The following PDE4A variants were observed in gnomAD, a reference collection of about 807,000 sequenced individuals.
The protein encoded by PDE4A is 3',5'-cyclic-AMP phosphodiesterase 4A.
In PDE4A, 21 loss-of-function variants were observed where a neutral mutation model predicts 73.9. That is an observed-to-expected ratio of 0.28 (90% CI 0.20 to 0.41). PDE4A has a LOEUF of 0.41. Among genes scored for constraint, PDE4A ranks in the 10% least tolerant of loss-of-function variants. The probability of loss-of-function intolerance (pLI) is 1.00; values close to 1 mark genes in which losing one functional copy is unlikely to be tolerated. For missense variants in PDE4A, 958 were observed against 1,211.4 expected (o/e 0.79, Z 3.10); for synonymous variants, 463 against 505.4 (o/e 0.92, Z 1.13).
upstream of PDE4A, chr19:10,419,116 CA>C (rs2042615344): frequency 1.1e-6 from 1 of 944,546 alleles, no homozygotes; most frequent in Admixed American, 9.6e-5. Flanking sequence ...AGGGCGGTGG[CA>C]AACGGCATCG....
intron 1 of PDE4A, among the ~76,000 whole-genome samples, chr19:10,426,505 AG>A (rs1400831709): frequency 2.0e-5 from 3 of 152,190 alleles, no homozygotes; most frequent in Non-Finnish European, 4.4e-5. Context: ...GGATGCCAAA[AG>A]ATTGCACACC....
chr19:10,460,936 C>T, intron 10 of PDE4A, 68 bp from the exon 11 acceptor site: 2 of 1,511,126 alleles, frequency 1.3e-6, no homozygotes, highest in Non-Finnish European at 1.8e-6. Context: ...GTAGGTGAGA[C>T]AAACAGGTGC....
At chr19:10,450,721 C>T in intron 5 of PDE4A, 69 bp downstream of exon 5, 2 of 1,587,146 alleles carry the variant, frequency 1.3e-6, no homozygotes, top group Non-Finnish European at 1.7e-6. Context: ...CAGCCCCTTC[C>T]CCACCCAGCA....
intron 1 of PDE4A, chr19:10,432,468 C>G: frequency 6.7e-7 from 1 of 1,494,652 alleles, no homozygotes; most frequent in South Asian, 1.3e-5. Context: ...GGCCCGGCCC[C>G]GGCCCCCTGC....
Position 10,467,004 on chromosome 19 carries a change from G to A in PDE4A, c.2044G>A (p.Ala682Thr), listed in dbSNP as rs778873223. 3.7e-6 allele frequency: 6 copies of A among 1,614,140 alleles called. No individual in the cohort carries two copies. The highest frequency in any genetic ancestry group is 2.2e-5 in the South Asian group (2 of 91,086). Residue 682 changes from alanine (A) to threonine (T), a missense_variant, in exon 15 of 15, where the codon GCC becomes ACC. This residue lies in a region of PDE4A where 570 missense variants were observed against 827.7 expected (regional missense o/e 0.69). Transcript: ENST00000380702. Reference protein sequence around the residue: ...LEDNRDWYYSAIRQSPSPPPE... With the variant: ...LEDNRDWYYSTIRQSPSPPPE... ...GGACAACCGGGACTGGTACTACAGC[G>A]CCATCCGGCAGAGCCCATCTCCGCC...
intron 1 of PDE4A, chr19:10,432,292 G>C (rs2042803689): frequency 8.6e-7 from 1 of 1,158,922 alleles, no homozygotes; most frequent in Non-Finnish European, 1.1e-6. Context: ...CGACCGCCCG[G>C]GGCTGTCCCT....
intron 1 of PDE4A, chr19:10,430,877 G>A (rs1253956893): frequency 1.2e-5 from 16 of 1,362,436 alleles, no homozygotes; most frequent in Non-Finnish European, 1.4e-5. Flanking sequence ...GCCGCATCCC[G>A]GAGCTGCAAC....
At chr19:10,442,215 GTC>G (rs1413954221) in intron 1 of PDE4A, among the ~76,000 whole-genome samples, 1 of 152,004 alleles carries the variant, frequency 6.6e-6, no homozygotes, top group Non-Finnish European at 1.5e-5. Context: ...TACTGGAATG[GTC>G]TCTCTACTAA....
intron 1 of PDE4A, among the ~76,000 whole-genome samples, chr19:10,440,024 A>C (rs1296054759): frequency 8.9e-6 from 1 of 112,188 alleles, no homozygotes; most frequent in Non-Finnish European, 1.7e-5. Context: ...TTGCTTTGTC[A>C]CCCAGGCTGG....
At chr19:10,463,772 C>T in intron 13 of PDE4A, 21 bp from the exon 14 acceptor site, 1 of 1,612,954 alleles carries the variant, frequency 6.2e-7, no homozygotes, top group Non-Finnish European at 8.5e-7. Context: ...GAAGTTTCCC[C>T]TGTGCCCCAA....
intron 1 of PDE4A, among the ~76,000 whole-genome samples, chr19:10,444,685 T>TG (rs1340518727): frequency 2.6e-5 from 4 of 151,052 alleles, no homozygotes; most frequent in Non-Finnish European, 5.9e-5. Context: ...TTTTTTTTTT[T>TG]TTTGAGATGG....
rs1012020100 is a variant in PDE4A at position 10,436,721 on chromosome 19, C to A, written c.321-9497C>A. 2.0e-5 allele frequency among the ~76,000 whole-genome samples: 3 copies of A among 152,128 alleles called. No individual in the cohort carries two copies. In the East Asian group the frequency reaches 5.8e-4, roughly 29 times the overall value. Reference sequence around the variant, plus strand: ...TGCCTGAAAGGATCTAACCTGGCACCCAGGACACAGCAGGTGCTCAACAAA... The same window carrying A: ...TGCCTGAAAGGATCTAACCTGGCACACAGGACACAGCAGGTGCTCAACAAA... On this transcript the variant is annotated intron_variant, in intron 1 of 14. Coordinates refer to ENST00000380702, the MANE Select transcript of PDE4A (RefSeq NM_001111307.2).
At chr19:10,421,362 G>A in intron 1 of PDE4A, 1 of 984,054 alleles carries the variant, frequency 1.0e-6, no homozygotes, top group Non-Finnish European at 1.2e-6. Flanking sequence ...TGCACACTTA[G>A]GGGTCTGTAT....
Position 10,463,723 on chromosome 19 carries a change from A to G in PDE4A, c.1744-70A>G. 4 of 1,586,452 alleles carry G rather than the reference A, an allele frequency of 2.5e-6. No homozygotes were observed. The South Asian group carries it at 4.5e-5, about 18-fold the overall frequency. On this transcript the variant is annotated intron_variant, in intron 13 of 14. Transcript: ENST00000380702. ...GCCCCCATTTCTTAAAAAAGAAGGA[A>G]TGCCTGAGGTCTCAGACTGGGACAC...
Position 10,424,016 on chromosome 19 carries a change from C to G in PDE4A, c.320+2932C>G, listed in dbSNP as rs2042683248. Among the ~76,000 whole-genome samples the G allele has an allele frequency of 6.6e-6, 1 of 152,236 alleles. No individual in the cohort carries two copies. Among genetic ancestry groups the G allele is most frequent in the Non-Finnish European group, 1.5e-5 (1 of 68,032 alleles). Reference sequence around the variant, plus strand: ...GGCACATACAGGATTCAGTGCTCCCCACACTGGAGTTCATCCAGCTACCGC... The same window carrying G: ...GGCACATACAGGATTCAGTGCTCCCGACACTGGAGTTCATCCAGCTACCGC... On this transcript the variant is annotated intron_variant, in intron 1 of 14. Transcript: ENST00000380702. This position sits in a 1 kb window ranked among gnomAD's most constrained non-coding sequence, Gnocchi z 4.8.
chr19:10,430,824 A>G, intron 1 of PDE4A: 1 of 1,061,642 alleles, frequency 9.4e-7, no homozygotes, highest in Non-Finnish European at 1.2e-6. Flanking sequence ...GCGCCCGCCG[A>G]GGCGGGGCCG....
Position 10,454,933 on chromosome 19 carries a change from G to GGAA in PDE4A, c.877+13_877+15dup, listed in dbSNP as rs756073093. 3.1e-6 allele frequency: 5 copies of GGAA among 1,613,684 alleles called. No homozygotes were observed. In the South Asian group the frequency reaches 5.5e-5, roughly 18 times the overall value. On this transcript the variant is annotated intron_variant, in intron 7 of 14. Coordinates refer to ENST00000380702, the MANE Select transcript of PDE4A (RefSeq NM_001111307.2). Reference sequence around the variant, plus strand: ...CCACAACATTCCTGGGTGAGTGAGGGGAAGCACGTGGGATTGGAGGGGGGA... The same window carrying GGAA: ...CCACAACATTCCTGGGTGAGTGAGGGGAAGAAGCACGTGGGATTGGAGGGGGGA...
At chr19:10,455,179 A>G (rs1344706919) in intron 7 of PDE4A, among the ~76,000 whole-genome samples, 1 of 152,152 alleles carries the variant, frequency 6.6e-6, no homozygotes, top group African/African-American at 2.4e-5. Flanking sequence ...AAAGCCTCCA[A>G]GCGCCGGGCG....
At chr19:10,436,306 A>G (rs769298068) in intron 1 of PDE4A, among the ~76,000 whole-genome samples, 2 of 152,220 alleles carry the variant, frequency 1.3e-5, no homozygotes, top group Non-Finnish European at 2.9e-5. Context: ...CTGTAATCCC[A>G]GCACTTTGGG....
Sources: allele counts gnomAD v4.1 joint callset (sites outside exome capture counted in the v4.1 genomes callset), GRCh38; gene constraint gnomAD v4.1.1; regional missense constraint gnomAD v4.1.1; non-coding constraint Gnocchi (gnomAD v3.1); transcripts MANE v1.5; gene names NCBI Gene and HGNC (gene_info 2026-07-23, HGNC 2026-07-21).